The following RUFY1 variants were observed in gnomAD, a reference collection of about 807,000 sequenced individuals.
The protein encoded by RUFY1 is RUN and FYVE domain-containing protein 1.
A neutral mutation model predicts 94.6 loss-of-function variants in RUFY1; 54 were observed. That is an observed-to-expected ratio of 0.57 (90% CI 0.46 to 0.72). The LOEUF is 0.72. Among genes scored for constraint, RUFY1 ranks in the 30% least tolerant of loss-of-function variants. The pLI is 0.00. For synonymous variants in RUFY1, 396 were observed against 347.3 expected, an observed-to-expected ratio of 1.14 and a Z score of -1.56; for missense variants, 883 against 883.9, an observed-to-expected ratio of 1.00 and a Z score of 0.01.
intron 11 of RUFY1, among the ~76,000 whole-genome samples, chr5:179,594,434 G>A (rs1048721951): frequency 2.7e-4 from 40 of 149,928 alleles, no homozygotes; most frequent in Non-Finnish European, 4.7e-4. Flanking sequence ...CAAGGGAACT[G>A]TCCCAGACAG....
chr5:179,596,048 T>C (rs1391085265), intron 12 of RUFY1: 2 of 169,958 alleles, frequency 1.2e-5, no homozygotes, highest in Admixed American at 5.5e-5. Flanking sequence ...CATATGTTTA[T>C]AGCAGCTCCG....
chr5:179,600,828 T>C (rs1308018277), intron 14 of RUFY1, among the ~76,000 whole-genome samples: 2 of 148,388 alleles, frequency 1.3e-5, no homozygotes, highest in African/African-American at 5.0e-5. Flanking sequence ...TCCCGAGTAG[T>C]TGGGATTGCA....
At chr5:179,581,338 A>G (rs1764140189) in intron 7 of RUFY1, among the ~76,000 whole-genome samples, 1 of 152,188 alleles carries the variant, frequency 6.6e-6, no homozygotes, top group Non-Finnish European at 1.5e-5. Context: ...GGGAATCAGC[A>G]CACAGCACCC....
chr5:179,566,929 C>T (rs1389479370), intron 3 of RUFY1, among the ~76,000 whole-genome samples: 1 of 151,974 alleles, frequency 6.6e-6, no homozygotes, highest in Non-Finnish European at 1.5e-5. Context: ...TGATGCATGC[C>T]TGTAATCCCA....
chr5:179,563,594 C>T (rs1403690026), intron 3 of RUFY1, among the ~76,000 whole-genome samples: 4 of 152,196 alleles, frequency 2.6e-5, no homozygotes, highest in African/African-American at 4.8e-5. Context: ...TTTAAGCCCT[C>T]TATGCAAATT....
chr5:179,579,882 T>G (rs1763981266), intron 6 of RUFY1, among the ~76,000 whole-genome samples: 1 of 151,700 alleles, frequency 6.6e-6, no homozygotes, highest in Admixed American at 6.6e-5. Context: ...TTGACCAGGC[T>G]GGTCTCAAAC....
intron 1 of RUFY1, among the ~76,000 whole-genome samples, chr5:179,554,365 C>T (rs62395249): frequency 0.3 from 45,694 of 151,654 alleles, 7,192 homozygotes; most frequent in Non-Finnish European, 0.37. Context: ...GGAGAAACCC[C>T]GTCTCTACTA....
At chr5:179,555,971 T>C (rs1465332895) in intron 1 of RUFY1, among the ~76,000 whole-genome samples, 1 of 152,084 alleles carries the variant, frequency 6.6e-6, no homozygotes, top group East Asian at 1.9e-4. Context: ...GTGCTGGGAT[T>C]ACAGGCATGA....
At position 179,596,876 on chromosome 5, in the gene RUFY1, A is replaced by T. The variant is rs1765705466; in HGVS notation, c.1631+195A>T. The T allele has an allele frequency of 4.5e-6, 3 of 662,062 alleles. No homozygotes were observed. In the African/African-American group the frequency reaches 5.6e-5, roughly 12 times the overall value. The allele number at this position is 662,062 out of a possible 1,614,324, so 41.0% of individuals were successfully genotyped here. A position where few individuals can be genotyped will look rare whatever the true frequency, so the allele number is the denominator to read the frequency against. On this transcript the variant is annotated intron_variant, in intron 13 of 17. Coordinates refer to ENST00000319449, the MANE Select transcript of RUFY1 (RefSeq NM_025158.5). The stretch of plus-strand genomic sequence containing the variant: ...GAGCTCCCTCCCCACAGGGCTCCTC[A>T]CGTGGTCCAGCTCGCCTCCAGAAGA...
intron 6 of RUFY1, among the ~76,000 whole-genome samples, chr5:179,580,206 CGTGTGTGTGTGTGTGTGT>C (rs71591429): frequency 4.7e-5 from 6 of 127,568 alleles, no homozygotes; most frequent in African/African-American, 1.4e-4. Context: ...CAAAAAATTC[CGTGTGTGTGTGTGTGTGT>C]GTGTGTGTGT....
chr5:179,603,048 A>AC (rs775511323), intron 15 of RUFY1, among the ~76,000 whole-genome samples: 2 of 152,120 alleles, frequency 1.3e-5, no homozygotes, highest in Admixed American at 6.5e-5. Flanking sequence ...TGAGCAGATC[A>AC]CCTGAGGTCA....
At chr5:179,577,839 A>G (rs1441767403) in intron 6 of RUFY1, among the ~76,000 whole-genome samples, 2 of 142,360 alleles carry the variant, frequency 1.4e-5, no homozygotes, top group Non-Finnish European at 3.0e-5. Flanking sequence ...CCGAACGGGT[A>G]ATGAGGCTCT....
chr5:179,556,986 A>G (rs73330342), intron 1 of RUFY1, among the ~76,000 whole-genome samples: 10,691 of 152,272 alleles, frequency 0.07, 432 homozygotes, highest in South Asian at 0.12. Flanking sequence ...ATATGCCCCA[A>G]ATCACACTGA....
At chr5:179,602,310 A>G in intron 15 of RUFY1, 1 of 281,532 alleles carries the variant, frequency 3.6e-6, no homozygotes, top group Non-Finnish European at 6.9e-6. Context: ...TGGTCAGCCT[A>G]CAGTCAGGCC....
intron 15 of RUFY1, 143 bp from the exon 16 acceptor site, chr5:179,605,733 G>T: frequency 2.8e-6 from 2 of 705,998 alleles, no homozygotes; most frequent in East Asian, 2.6e-5. Context: ...GTACAGAGGC[G>T]GAAGGCATTT....
intron 5 of RUFY1, chr5:179,572,206 C>A: frequency 3.3e-6 from 1 of 307,100 alleles, no homozygotes; most frequent in Non-Finnish European, 6.6e-6. Context: ...ACTTCAAGGC[C>A]ATTGCCCTGG....
At chr5:179,561,210 CAAAA>C (rs1174104900) in intron 2 of RUFY1, among the ~76,000 whole-genome samples, 9 of 128,048 alleles carry the variant, frequency 7.0e-5, no homozygotes, top group Non-Finnish European at 1.5e-4. Flanking sequence ...GATTCCATCT[CAAAA>C]ATAAATAAAT....
intron 14 of RUFY1, chr5:179,599,191 C>A (rs4701137): frequency 0.77 from 142,982 of 186,004 alleles, 55,206 homozygotes; most frequent in East Asian, 0.89. Flanking sequence ...AGCAAAGAGG[C>A]GGCCTCAGGC....
At chr5:179,564,475 A>G (rs757140159) in intron 3 of RUFY1, among the ~76,000 whole-genome samples, 1 of 143,918 alleles carries the variant, frequency 6.9e-6, no homozygotes, top group South Asian at 2.2e-4. Flanking sequence ...GCTGGAGTGC[A>G]GTGGTGGTGC....
Sources: gnomAD v4.1 joint callset for allele counts (sites outside exome capture counted in the v4.1 genomes callset) on GRCh38, gnomAD v4.1.1 for gene constraint, MANE v1.5 for transcripts, NCBI Gene and HGNC (gene_info 2026-07-23, HGNC 2026-07-21) for gene names.